Variants in MYZAP observed in about 807,000 individuals in gnomAD.
MYZAP encodes GRINL1A complex locus upstream.
In MYZAP, 66 loss-of-function variants were observed where a neutral mutation model predicts 69.4. The ratio of observed to expected loss-of-function variants is 0.95; its 90% confidence interval spans 0.78 to 1.17. The LOEUF (loss-of-function observed/expected upper bound fraction) is 1.17. MYZAP is among the 50% of genes most tolerant of loss of function. The probability of loss-of-function intolerance (pLI) is 0.00; values close to 1 mark genes in which losing one functional copy is unlikely to be tolerated. For synonymous variants in MYZAP, 256 were observed against 205.9 expected (o/e 1.24, Z -2.09); for missense variants, 611 against 556.2 (o/e 1.10, Z -0.99).
At chr15:57,595,358 A>G (rs2033987321) in intron 1 of MYZAP, among the ~76,000 whole-genome samples, 2 of 152,242 alleles carry the variant, frequency 1.3e-5, no homozygotes, top group African/African-American at 4.8e-5. Flanking sequence ...GCAGGAAGAC[A>G]AATTGACTGG....
intron 4 of MYZAP, among the ~76,000 whole-genome samples, chr15:57,623,471 G>A (rs1478120938): frequency 6.6e-6 from 1 of 152,124 alleles, no homozygotes; most frequent in African/African-American, 2.4e-5. Flanking sequence ...GGTGGCTCAC[G>A]CTTATGATCA....
intron 8 of MYZAP, among the ~76,000 whole-genome samples, chr15:57,634,454 G>A (rs1188245438): frequency 6.6e-6 from 1 of 152,190 alleles, no homozygotes; most frequent in Non-Finnish European, 1.5e-5. Context: ...AGTTTGCAGA[G>A]AGCAGTGACC....
At chr15:57,649,469 T>G (rs1373238948) in intron 10 of MYZAP, among the ~76,000 whole-genome samples, 2 of 152,222 alleles carry the variant, frequency 1.3e-5, no homozygotes, top group Non-Finnish European at 2.9e-5. Flanking sequence ...TTGAGAAACT[T>G]TTCTTAAGCT....
intron 4 of MYZAP, among the ~76,000 whole-genome samples, chr15:57,623,179 GGGT>G: frequency 6.6e-6 from 1 of 152,312 alleles, no homozygotes. Flanking sequence ...GTGCAAGAGT[GGGT>G]CAGGACATTG....
intron 11 of MYZAP, among the ~76,000 whole-genome samples, chr15:57,665,167 G>T (rs562518362): frequency 3.9e-5 from 6 of 152,290 alleles, no homozygotes; most frequent in African/African-American, 7.2e-5. Context: ...TCACCTTTAG[G>T]TGAACATGAG....
At chr15:57,646,929 A>G (rs2037476121) in intron 10 of MYZAP, 1 of 985,422 alleles carries the variant, frequency 1.0e-6, no homozygotes, top group Non-Finnish European at 1.2e-6. Flanking sequence ...CTTTCTTGAG[A>G]TTGCTGCAGG....
At chr15:57,639,412 A>G (rs2037000149) in intron 9 of MYZAP, 28 bp from the exon 10 acceptor site, 1 of 1,612,390 alleles carries the variant, frequency 6.2e-7, no homozygotes, top group African/African-American at 1.3e-5. Context: ...TTTAGGACTC[A>G]TTTGCTTTTT....
chr15:57,602,797 G>A (rs1410411352), intron 1 of MYZAP, among the ~76,000 whole-genome samples: 1 of 152,160 alleles, frequency 6.6e-6, no homozygotes, highest in Non-Finnish European at 1.5e-5. Context: ...AAATGGGGCA[G>A]GTAAGAGAAT....
chr15:57,615,895 A>G (rs2035405539), intron 2 of MYZAP, among the ~76,000 whole-genome samples: 2 of 152,220 alleles, frequency 1.3e-5, no homozygotes, highest in African/African-American at 4.8e-5. Context: ...TGTGGGAAGA[A>G]GGGCAAGAAG....
At position 57,593,667 on chromosome 15, in the gene MYZAP, A is replaced by G. The variant is rs116675204; in HGVS notation, c.75+1558A>G. Among the ~76,000 whole-genome samples, 1,519 of 152,300 alleles carry G rather than the reference A, an allele frequency of 1.0e-2. 22 individuals carry two copies. The highest frequency in any genetic ancestry group is 0.032 in the African/African-American group (1,345 of 41,550). On this transcript the variant is annotated intron_variant, in intron 1 of 12. Coordinates refer to ENST00000267853, the MANE Select transcript of MYZAP (RefSeq NM_001018100.5). ...TCGGACACATTGTGACACTCTTGAA[A>G]AGACTTTGCCTTTTGAATAAGATGG... is the stretch of plus-strand genomic sequence containing the variant.
At chr15:57,607,747 G>A (rs953569985) in intron 2 of MYZAP, among the ~76,000 whole-genome samples, 1 of 152,222 alleles carries the variant, frequency 6.6e-6, no homozygotes, top group Non-Finnish European at 1.5e-5. Context: ...GAGGGGAGGA[G>A]GGTGGGGCTG....
intron 10 of MYZAP, among the ~76,000 whole-genome samples, chr15:57,640,360 G>A (rs2037076217): frequency 2.0e-5 from 3 of 152,186 alleles, no homozygotes; most frequent in African/African-American, 4.8e-5. Context: ...TAGAAAAAGA[G>A]CAGTTAGTAC....
chr15:57,625,721 A>C, intron 4 of MYZAP, 58 bp from the exon 5 acceptor site: 1 of 1,516,274 alleles, frequency 6.6e-7, no homozygotes, highest in Non-Finnish European at 9.2e-7. Flanking sequence ...GCCTAACTGA[A>C]GATTGTCGTG....
chr15:57,652,862 C>T (rs1294533284), intron 10 of MYZAP, among the ~76,000 whole-genome samples: 2 of 152,072 alleles, frequency 1.3e-5, no homozygotes, highest in Non-Finnish European at 2.9e-5. Flanking sequence ...TTTCAAATAA[C>T]GTGATGGCAT....
At chr15:57,593,188 G>GCGCA (rs1555454573) in intron 1 of MYZAP, among the ~76,000 whole-genome samples, 39 of 114,152 alleles carry the variant, frequency 3.4e-4, no homozygotes, top group African/African-American at 9.4e-4. Context: ...GTACACAGGC[G>GCGCA]CACACACACA....
intron 11 of MYZAP, among the ~76,000 whole-genome samples, chr15:57,673,900 T>C (rs2140624576): frequency 6.6e-6 from 1 of 152,324 alleles, no homozygotes; most frequent in African/African-American, 2.4e-5. Flanking sequence ...TGGTTTCATT[T>C]CTAGTTATGC....
rs762492034 is a variant in MYZAP, at chr15:57,625,829, G to A, written c.462G>A (p.Ser154=). 6.6e-5 allele frequency: 106 copies of A among 1,614,002 alleles called. No homozygotes were observed. The highest frequency in any genetic ancestry group is 1.3e-4 in the Admixed American group (8 of 59,998). The change falls in exon 5 of 13, where the codon TCG becomes TCA. Residue 154 remains serine (S), a synonymous_variant. Transcript: ENST00000267853. ...TGGAGAATCACATCCAAACCCAGTC[G>A]TCTGCCCTGGATCGTTTTAATGCCA... ...EYLENHIQTQ[S]SALDRFNAMN...
At chr15:57,676,402 ATATATATG>A (rs1284438756) in intron 12 of MYZAP, among the ~76,000 whole-genome samples, 3 of 12,196 alleles carry the variant, frequency 2.5e-4, no homozygotes, top group Non-Finnish European at 4.1e-4. Flanking sequence ...TGTTGAATAT[ATATATATG>A]TATATATATG....
intron 11 of MYZAP, among the ~76,000 whole-genome samples, chr15:57,669,334 T>C (rs1429152410): frequency 1.3e-5 from 2 of 152,228 alleles, no homozygotes; most frequent in Non-Finnish European, 2.9e-5. Flanking sequence ...TTTATGGTTT[T>C]TACTTGTTTA....
Sources: gnomAD v4.1 joint callset for allele counts (sites outside exome capture counted in the v4.1 genomes callset) on GRCh38, gnomAD v4.1.1 for gene constraint, MANE v1.5 for transcripts, NCBI Gene and HGNC (gene_info 2026-07-23, HGNC 2026-07-21) for gene names.